Variants in PTPRG observed in about 807,000 individuals in gnomAD.
The protein encoded by PTPRG is protein tyrosine phosphatase receptor type G.
Under a neutral mutation model 165.3 loss-of-function variants are expected in PTPRG, and 102 were observed. The observed-to-expected ratio is 0.62, with a 90% CI of 0.53 to 0.73. PTPRG has a LOEUF of 0.73. Ranked by LOEUF, PTPRG falls within the 30% of genes least tolerant of loss-of-function variation. PTPRG has a pLI of 0.00. For synonymous variants in PTPRG, 675 were observed against 669.5 expected (o/e 1.01, Z -0.13); for missense variants, 1,866 against 1,861.4 (o/e 1.00, Z -0.05).
At chr3:61,991,595 C>G (rs560200738) in intron 3 of PTPRG, among the ~76,000 whole-genome samples, 1 of 152,180 alleles carries the variant, frequency 6.6e-6, no homozygotes, top group Non-Finnish European at 1.5e-5. Context: ...ATCAGTTGCC[C>G]TACTTTATGT....
chr3:61,977,491 G>A (rs1294130787), intron 2 of PTPRG, among the ~76,000 whole-genome samples: 3 of 152,128 alleles, frequency 2.0e-5, no homozygotes, highest in Admixed American at 6.5e-5. Context: ...GGTTTAGGAA[G>A]TTGCCTTGTA....
chr3:61,781,548 TCATGAGTTTCCTA>T (rs1307368030), intron 2 of PTPRG, among the ~76,000 whole-genome samples: 1 of 152,214 alleles, frequency 6.6e-6, no homozygotes, highest in East Asian at 1.9e-4. Context: ...GCTTAATCTA[TCATGAGTTTCCTA>T]CATGAGGCAA....
rs1575820447 is a variant in PTPRG at position 61,955,134 on chromosome 3, A to C, written c.191-34491A>C. 5.4e-5 allele frequency among the ~76,000 whole-genome samples: 8 copies of C among 148,618 alleles called. 1 individual carries two copies. Among genetic ancestry groups the C allele is most frequent in the Admixed American group, 5.4e-4 (8 of 14,948 alleles). On this transcript the variant is annotated intron_variant, in intron 2 of 29. Transcript: ENST00000474889. ...AAAACATGATGGATAAGAATTACTG[A>C]CTGCTTTGGATCTGTATACGATATG... is the stretch of plus-strand genomic sequence containing the variant.
chr3:61,680,002 T>C (rs1487024044), intron 1 of PTPRG, among the ~76,000 whole-genome samples: 1 of 152,178 alleles, frequency 6.6e-6, no homozygotes, highest in African/African-American at 2.4e-5. Flanking sequence ...GATTGTCCCC[T>C]TAAGCAATTT....
At chr3:61,574,854 G>A (rs1404788528) in intron 1 of PTPRG, among the ~76,000 whole-genome samples, 2 of 152,256 alleles carry the variant, frequency 1.3e-5, no homozygotes, top group East Asian at 3.9e-4. Flanking sequence ...TGATGCCCTG[G>A]CTTCGTAACA....
intron 1 of PTPRG, among the ~76,000 whole-genome samples, chr3:61,566,812 T>A (rs1699926238): frequency 6.6e-6 from 1 of 152,254 alleles, no homozygotes. Context: ...TTTAACACTT[T>A]GCTTTTACAG....
chr3:61,979,174 T>C (rs1318022406), intron 2 of PTPRG, among the ~76,000 whole-genome samples: 2 of 152,218 alleles, frequency 1.3e-5, no homozygotes, highest in Admixed American at 6.5e-5. Context: ...TCAAGATAAT[T>C]CAGATTTTGA....
At chr3:61,778,603 TCTC>T (rs1476741799) in intron 2 of PTPRG, among the ~76,000 whole-genome samples, 1 of 152,076 alleles carries the variant, frequency 6.6e-6, no homozygotes, top group Non-Finnish European at 1.5e-5. Flanking sequence ...CAGACCCTAT[TCTC>T]CTGCCTCAAC....
intron 2 of PTPRG, among the ~76,000 whole-genome samples, chr3:61,937,016 C>CA (rs2039498438): frequency 6.6e-6 from 1 of 151,868 alleles, no homozygotes; most frequent in Admixed American, 6.6e-5. Flanking sequence ...GCAGAGGAGG[C>CA]TTTTTTTTGA....
intron 2 of PTPRG, among the ~76,000 whole-genome samples, chr3:61,898,841 G>A (rs2038428095): frequency 1.3e-5 from 2 of 152,212 alleles, no homozygotes; most frequent in South Asian, 4.1e-4. Context: ...AATCTGACTT[G>A]AGCCTTGGTT....
chr3:61,656,006 T>C (rs553481602), intron 1 of PTPRG, among the ~76,000 whole-genome samples: 235 of 151,700 alleles, frequency 1.5e-3, no homozygotes, highest in Middle Eastern at 6.8e-3. Context: ...CTTCAGGCCC[T>C]GAGTTTGATA....
intron 6 of PTPRG, among the ~76,000 whole-genome samples, chr3:62,143,565 T>C (rs1704007432): frequency 1.3e-5 from 2 of 152,150 alleles, no homozygotes; most frequent in South Asian, 4.1e-4. Flanking sequence ...TTTTTTTTTT[T>C]TTTTTAATTT....
At chr3:62,124,748 TA>T (rs2106904048) in intron 5 of PTPRG, 1 of 501,750 alleles carries the variant, frequency 2.0e-6, no homozygotes, top group African/African-American at 1.9e-5. Flanking sequence ...AATTCTTTTC[TA>T]GAGATGTTGT....
chr3:61,844,129 A>G (rs2036735846), intron 2 of PTPRG, among the ~76,000 whole-genome samples: 1 of 151,864 alleles, frequency 6.6e-6, no homozygotes, highest in African/African-American at 2.4e-5. Flanking sequence ...AGGCCCGGCT[A>G]TATTTGTATT....
At chr3:61,964,221 A>G (rs1166986945) in intron 2 of PTPRG, among the ~76,000 whole-genome samples, 2 of 152,238 alleles carry the variant, frequency 1.3e-5, no homozygotes, top group Non-Finnish European at 1.5e-5. Context: ...CTCTGTAATC[A>G]CTAAAGTGGT....
intron 4 of PTPRG, among the ~76,000 whole-genome samples, chr3:62,004,497 T>C (rs2041247558): frequency 6.6e-6 from 1 of 152,184 alleles, no homozygotes; most frequent in Non-Finnish European, 1.5e-5. Flanking sequence ...TCCTTGCCCC[T>C]CCTTAGTTCT....
intron 4 of PTPRG, among the ~76,000 whole-genome samples, chr3:62,017,055 G>T (rs182832152): frequency 6.6e-6 from 1 of 152,208 alleles, no homozygotes; most frequent in African/African-American, 2.4e-5. Context: ...CTGCATGTGA[G>T]CTTTTAGAGG....
Position 62,255,435 on chromosome 3 carries a change from A to G in PTPRG, c.2559+220A>G, listed in dbSNP as rs115286985. Among the ~76,000 whole-genome samples the G allele has an allele frequency of 1.7e-3, 257 of 151,908 alleles. No homozygotes were observed. Among genetic ancestry groups the G allele is most frequent in the Non-Finnish European group, 3.1e-3 (214 of 68,030 alleles). On this transcript the variant is annotated intron_variant, in intron 16 of 29. Coordinates refer to ENST00000474889, the MANE Select transcript of PTPRG (RefSeq NM_002841.4). This position sits in a 1 kb window ranked among gnomAD's most constrained non-coding sequence, Gnocchi z 4.0. ...CTGTCCTGAATATGTATTTCTACAAAAGAACCGACTTAGTGATAGAAAAGA... is the reference window on the plus strand; with the variant it reads ...CTGTCCTGAATATGTATTTCTACAAGAGAACCGACTTAGTGATAGAAAAGA...
chr3:62,148,021 C>A (rs1165032153), intron 6 of PTPRG, among the ~76,000 whole-genome samples: 1 of 152,132 alleles, frequency 6.6e-6, no homozygotes, highest in African/African-American at 2.4e-5. Flanking sequence ...TGGTGCACGC[C>A]TGTAGTTCAA....
Sources: gnomAD v4.1 joint callset for allele counts (sites outside exome capture counted in the v4.1 genomes callset) on GRCh38, gnomAD v4.1.1 for gene constraint, Gnocchi (gnomAD v3.1) non-coding constraint, MANE v1.5 for transcripts, NCBI Gene and HGNC (gene_info 2026-07-23, HGNC 2026-07-21) for gene names.